The following SPAG9 variants were observed in gnomAD, a reference collection of about 807,000 sequenced individuals.
The protein encoded by SPAG9 is sperm associated antigen 9.
SPAG9 carries 35 observed loss-of-function variants against 166.5 expected under a neutral mutation model. The ratio of observed to expected loss-of-function variants is 0.21; its 90% CI spans 0.16 to 0.28. The LOEUF is 0.28. Ranked by LOEUF, SPAG9 falls within the 10% of genes least tolerant of loss-of-function variation. The pLI is 1.00. For synonymous variants in SPAG9, 534 were observed against 565.5 expected, an observed-to-expected ratio of 0.94 and a Z score of 0.79; for missense variants, 1,235 against 1,603.3, an observed-to-expected ratio of 0.77 and a Z score of 3.92.
intron 1 of SPAG9, among the ~76,000 whole-genome samples, chr17:51,104,326 T>C (rs886658449): frequency 2.6e-5 from 4 of 152,138 alleles, no homozygotes; most frequent in South Asian, 2.1e-4. Context: ...ATCATGCACA[T>C]AGTTGGCACT....
chr17:51,069,202 TATC>T (rs1461659734), intron 2 of SPAG9, among the ~76,000 whole-genome samples: 6 of 152,078 alleles, frequency 3.9e-5, no homozygotes, highest in Middle Eastern at 3.4e-3. Context: ...CAAAAACACA[TATC>T]ATCATTAAAA....
intron 3 of SPAG9, among the ~76,000 whole-genome samples, chr17:51,052,577 T>C (rs2047210539): frequency 6.6e-6 from 1 of 151,960 alleles, no homozygotes. Flanking sequence ...GTAATTAAAA[T>C]TTTTCCTGAG....
chr17:51,090,288 C>T (rs530502761), intron 1 of SPAG9, among the ~76,000 whole-genome samples: 101 of 151,984 alleles, frequency 6.6e-4, no homozygotes, highest in African/African-American at 5.1e-4. Flanking sequence ...TTTGGGAGGC[C>T]GAGGCAAGCA....
chr17:50,975,245 G>T, intron 27 of SPAG9: 1 of 284,296 alleles, frequency 3.5e-6, no homozygotes, highest in Non-Finnish European at 6.5e-6. Flanking sequence ...AAACAAATTT[G>T]AATCTTAGTT....
In SPAG9 at chr17:51,005,291, T is replaced by C. The variant is rs760842323; in HGVS notation, c.1425-28A>G. 5.0e-6 allele frequency: 8 copies of C among 1,608,210 alleles called. No homozygotes were observed. The African/African-American group carries it at 6.7e-5, about 13-fold the overall frequency. On this transcript the variant is annotated intron_variant, in intron 11 of 29. Coordinates refer to ENST00000262013, the MANE Select transcript of SPAG9 (RefSeq NM_001130528.3). ...AGTGGGGAAAAAACAAAACAAAACATGTTATTTGAATTGAGCTCATCTTTT... is the reference window on the plus strand; with the variant it reads ...AGTGGGGAAAAAACAAAACAAAACACGTTATTTGAATTGAGCTCATCTTTT...
intron 28 of SPAG9, among the ~76,000 whole-genome samples, chr17:50,973,984 A>T (rs1974026440): frequency 6.6e-6 from 1 of 152,214 alleles, no homozygotes; most frequent in African/African-American, 2.4e-5. Context: ...TTCTCTGAAG[A>T]ACCCTGACTA....
intron 2 of SPAG9, among the ~76,000 whole-genome samples, chr17:51,060,445 G>A (rs1406619229): frequency 4.6e-5 from 7 of 150,616 alleles, no homozygotes; most frequent in Middle Eastern, 3.4e-3. Context: ...GGAGGTTGCC[G>A]TGAGCTGAGA....
At chr17:51,119,011 G>A (rs2049385634) in intron 1 of SPAG9, among the ~76,000 whole-genome samples, 1 of 138,468 alleles carries the variant, frequency 7.2e-6, no homozygotes. Context: ...TTCACCCTGG[G>A]CGACAGAGTG....
chr17:50,992,887 G>C (rs1014762997), intron 19 of SPAG9, among the ~76,000 whole-genome samples: 3 of 151,942 alleles, frequency 2.0e-5, no homozygotes, highest in Non-Finnish European at 2.9e-5. Flanking sequence ...ACGAGGTCTA[G>C]GAGTTCGAGA....
intron 15 of SPAG9, among the ~76,000 whole-genome samples, chr17:50,997,336 T>TTTG (rs1246918328): frequency 6.6e-6 from 1 of 152,210 alleles, no homozygotes; most frequent in Admixed American, 6.5e-5. Flanking sequence ...GTTTGGCTTT[T>TTTG]TTGTTGTTGT....
chr17:51,091,899 A>C (rs1001538064), intron 1 of SPAG9, among the ~76,000 whole-genome samples: 1 of 151,988 alleles, frequency 6.6e-6, no homozygotes, highest in South Asian at 2.1e-4. Flanking sequence ...AATGCTTTTA[A>C]GTCCAGATGG....
Position 51,114,064 on chromosome 17 carries a change from G to A in SPAG9, c.303+6290C>T, listed in dbSNP as rs192950339. Reference sequence around the variant, plus strand: ...TTTTAGGCCAGGTGCGGTGGCTCACGCTTGTAATCCCAGCACTTTGGGAGG... The same window carrying A: ...TTTTAGGCCAGGTGCGGTGGCTCACACTTGTAATCCCAGCACTTTGGGAGG... On this transcript the variant is annotated intron_variant, in intron 1 of 29. Transcript: ENST00000262013. Among the ~76,000 whole-genome samples, 98 of 151,482 alleles carry A rather than the reference G, an allele frequency of 6.5e-4. 1 individual carries two copies. Among genetic ancestry groups the A allele is most frequent in the Middle Eastern group, 6.8e-3 (2 of 294 alleles).
At chr17:51,046,707 C>G (rs749834097) in intron 4 of SPAG9, 2 of 1,535,748 alleles carry the variant, frequency 1.3e-6, no homozygotes, top group East Asian at 4.9e-5. Flanking sequence ...GAGGCCTACA[C>G]GGGGGCCAAA....
intron 5 of SPAG9, among the ~76,000 whole-genome samples, chr17:51,037,685 A>ATATATATATATATAGT: frequency 8.0e-4 from 67 of 83,492 alleles, no homozygotes; most frequent in Admixed American, 1.3e-3. Context: ...ATATATATAT[A>ATATATATATATATAGT]GTGTGTGTGT....
chr17:51,107,017 G>T (rs181126992), intron 1 of SPAG9, among the ~76,000 whole-genome samples: 174 of 144,858 alleles, frequency 1.2e-3, no homozygotes, highest in African/African-American at 4.3e-3. Flanking sequence ...CAGAAGAATC[G>T]CTTGAACCCG....
At chr17:51,047,490 A>AC in intron 3 of SPAG9, 21 bp from the exon 4 acceptor site, 1 of 1,180,474 alleles carries the variant, frequency 8.5e-7, no homozygotes, top group Non-Finnish European at 1.2e-6. Flanking sequence ...GAAAGAAAAA[A>AC]TACACAATAT....
chr17:51,105,160 T>C (rs566053533), intron 1 of SPAG9, among the ~76,000 whole-genome samples: 1 of 152,178 alleles, frequency 6.6e-6, no homozygotes. Context: ...GTTAAACATT[T>C]TGTAATAATC....
At chr17:51,069,218 T>C (rs974984047) in intron 2 of SPAG9, among the ~76,000 whole-genome samples, 3 of 151,986 alleles carry the variant, frequency 2.0e-5, no homozygotes, top group Admixed American at 1.3e-4. Context: ...CATTAAAATA[T>C]ATATATATAA....
intron 14 of SPAG9, among the ~76,000 whole-genome samples, chr17:50,998,882 C>T (rs894791745): frequency 3.9e-5 from 6 of 152,134 alleles, no homozygotes; most frequent in Non-Finnish European, 5.9e-5. Flanking sequence ...AAGCAAGAAG[C>T]TCTTAAATAG....
Sources: gnomAD v4.1 joint callset for allele counts (sites outside exome capture counted in the v4.1 genomes callset) on GRCh38, gnomAD v4.1.1 for gene constraint, MANE v1.5 for transcripts, NCBI Gene and HGNC (gene_info 2026-07-23, HGNC 2026-07-21) for gene names.